ULK4: variants seen among roughly 807,000 people sequenced by gnomAD.
The protein encoded by ULK4 is inactive serine/threonine-protein kinase ULK4.
Under a neutral mutation model 160.6 loss-of-function variants are expected in ULK4, and 133 were observed. The ratio of observed to expected loss-of-function variants is 0.83; its 90% CI spans 0.72 to 0.96. The LOEUF (loss-of-function observed/expected upper bound fraction) is 0.96. ULK4 is among the 40% of genes least tolerant of loss of function. The probability of loss-of-function intolerance (pLI) is 0.00; values close to 1 mark genes in which losing one functional copy is unlikely to be tolerated. For missense variants in ULK4, 1,580 were observed against 1,499.5 expected, an observed-to-expected ratio of 1.05 and a Z score of -0.89; for synonymous variants, 534 against 539.8, an observed-to-expected ratio of 0.99 and a Z score of 0.15.
intron 2 of ULK4, among the ~76,000 whole-genome samples, chr3:41,941,361 T>A (rs1177407517): frequency 1.4e-5 from 2 of 147,912 alleles, no homozygotes; most frequent in East Asian, 4.1e-4. Context: ...AAAAACCTTT[T>A]TTTTTAAAGT....
At chr3:41,937,085 T>A (rs981347617) in intron 3 of ULK4, 1 of 434,668 alleles carries the variant, frequency 2.3e-6, no homozygotes, top group Admixed American at 3.8e-5. Flanking sequence ...ACAGCCAAAT[T>A]CAGTAAAAGT....
rs181984362 is a variant in ULK4, at chr3:41,592,541, G to A, written c.3120+23128C>T. 1.7e-4 allele frequency among the ~76,000 whole-genome samples: 26 copies of A among 152,044 alleles called. No individual in the cohort carries two copies. In the East Asian group the frequency reaches 1.9e-3, roughly 11 times the overall value. Reference sequence around the variant, plus strand: ...TTACTCATGTAACCAAACACCACCCGTTCCTCAATAACCTATGGAAATAAA... The same window carrying A: ...TTACTCATGTAACCAAACACCACCCATTCCTCAATAACCTATGGAAATAAA... On this transcript the variant is annotated intron_variant, in intron 31 of 36. Transcript: ENST00000301831.
chr3:41,331,227 G>A (rs2080436764), intron 35 of ULK4, among the ~76,000 whole-genome samples: 1 of 152,104 alleles, frequency 6.6e-6, no homozygotes, highest in African/African-American at 2.4e-5. Context: ...TGGGGGCAGG[G>A]AGCACTTCTG....
Position 41,465,658 on chromosome 3 carries a change from T to C in ULK4, c.3227-2405A>G, listed in dbSNP as rs77881285. On this transcript the variant is annotated intron_variant, in intron 32 of 36. Coordinates refer to ENST00000301831, the MANE Select transcript of ULK4 (RefSeq NM_017886.4). ...AGATTTTCTCATGGAACTGTTCCTA[T>C]ATCCCTACATGTCCTGTAAATTGGT... Among the ~76,000 whole-genome samples, 7,123 of 152,274 alleles carry C rather than the reference T, an allele frequency of 0.047. 747 individuals are homozygous for C. In the East Asian group the frequency reaches 0.49, roughly 10 times the overall value.
intron 27 of ULK4, among the ~76,000 whole-genome samples, chr3:41,698,233 A>G (rs2036562353): frequency 6.6e-6 from 1 of 152,230 alleles, no homozygotes; most frequent in Admixed American, 6.5e-5. Context: ...GACTGTATAT[A>G]CAAGCTGAGC....
At chr3:41,540,578 G>A (rs949427598) in intron 32 of ULK4, among the ~76,000 whole-genome samples, 3 of 152,142 alleles carry the variant, frequency 2.0e-5, no homozygotes, top group Non-Finnish European at 2.9e-5. Context: ...GGGTCAAATG[G>A]TATTTCTAGT....
At chr3:41,899,579 CCTT>C (rs1438339942) in intron 13 of ULK4, among the ~76,000 whole-genome samples, 5 of 152,176 alleles carry the variant, frequency 3.3e-5, no homozygotes, top group African/African-American at 9.7e-5. Context: ...AATTTGTAAA[CCTT>C]CTTAAAACAT....
At chr3:41,428,146 C>T (rs1559593887) in intron 34 of ULK4, among the ~76,000 whole-genome samples, 1 of 146,456 alleles carries the variant, frequency 6.8e-6, no homozygotes, top group South Asian at 2.1e-4. Context: ...ACAACCAAAT[C>T]ATAATGAACT....
intron 30 of ULK4, among the ~76,000 whole-genome samples, chr3:41,649,510 G>A (rs1330953375): frequency 6.6e-6 from 1 of 152,128 alleles, no homozygotes; most frequent in Non-Finnish European, 1.5e-5. Context: ...CTGCTCCCTG[G>A]CCTCCCCCTG....
At chr3:41,841,349 C>G (rs556700586) in intron 17 of ULK4, among the ~76,000 whole-genome samples, 36 of 150,214 alleles carry the variant, frequency 2.4e-4, no homozygotes, top group African/African-American at 8.8e-4. Flanking sequence ...GTCCGGCCAC[C>G]CCGCCTGGGA....
At chr3:41,679,202 G>A (rs187079838) in intron 29 of ULK4, among the ~76,000 whole-genome samples, 4 of 152,076 alleles carry the variant, frequency 2.6e-5, no homozygotes, top group African/African-American at 9.7e-5. Context: ...ATTAATATGA[G>A]ATTAAAATAA....
At position 41,886,423 on chromosome 3, in the gene ULK4, A is replaced by G. The variant is rs760180513; in HGVS notation, c.1578-2471T>C. On this transcript the variant is annotated intron_variant, in intron 16 of 36. Coordinates refer to ENST00000301831, the MANE Select transcript of ULK4 (RefSeq NM_017886.4). Reference sequence around the variant, plus strand: ...GCAAAATAACTGAACACACTAGTAGAAAAAAAGTGCATAAAAGTAAGGCTG... The same window carrying G: ...GCAAAATAACTGAACACACTAGTAGGAAAAAAGTGCATAAAAGTAAGGCTG... 4.6e-5 allele frequency among the ~76,000 whole-genome samples: 7 copies of G among 152,296 alleles called. No individual in the cohort carries two copies. In the South Asian group the frequency reaches 6.2e-4, roughly 14 times the overall value.
intron 33 of ULK4, among the ~76,000 whole-genome samples, chr3:41,456,673 A>T (rs1232882522): frequency 6.6e-6 from 1 of 152,146 alleles, no homozygotes; most frequent in Non-Finnish European, 1.5e-5. Flanking sequence ...TATTTTTTCC[A>T]TTTGCTATAA....
rs370401573 is a variant in ULK4 at position 41,510,577 on chromosome 3, T to C, written c.3227-47324A>G. On this transcript the variant is annotated intron_variant, in intron 32 of 36. Coordinates refer to ENST00000301831, the MANE Select transcript of ULK4 (RefSeq NM_017886.4). ...ACATTCTCCAAGATGGGCCATATGA[T>C]AAAGCACAAAATAAGTCTCAGTAAA... is the stretch of plus-strand genomic sequence containing the variant. Among the ~76,000 whole-genome samples the C allele has an allele frequency of 2.8e-4, 42 of 152,310 alleles. No homozygotes were observed. The South Asian group carries it at 8.3e-3, about 30-fold the overall frequency.
chr3:41,833,924 A>G (rs1323878712), intron 18 of ULK4, among the ~76,000 whole-genome samples: 1 of 152,118 alleles, frequency 6.6e-6, no homozygotes, highest in Non-Finnish European at 1.5e-5. Flanking sequence ...CTAACAGTGT[A>G]TAACTATTGA....
At chr3:41,681,193 T>C (rs1038593830) in intron 29 of ULK4, among the ~76,000 whole-genome samples, 1 of 152,106 alleles carries the variant, frequency 6.6e-6, no homozygotes, top group African/African-American at 2.4e-5. Flanking sequence ...AGTCGTGTAA[T>C]ATAGACCTTG....
rs148821472 is a variant in ULK4 at position 41,346,371 on chromosome 3, T to C, written c.3678+51708A>G. Among the ~76,000 whole-genome samples, 417 of 152,304 alleles carry C rather than the reference T, an allele frequency of 2.7e-3. 10 individuals are homozygous for C. The highest frequency in any genetic ancestry group is 9.7e-3 in the African/African-American group (402 of 41,566). On this transcript the variant is annotated intron_variant, in intron 35 of 36. Transcript: ENST00000301831. ...TGGAAGTTCCTATTGTCTCCTCATA[T>C]TTGTCTCACAAGGAACCCTAGGTTT...
At chr3:41,503,755 C>T (rs1385623398) in intron 32 of ULK4, among the ~76,000 whole-genome samples, 1 of 152,160 alleles carries the variant, frequency 6.6e-6, no homozygotes, top group Non-Finnish European at 1.5e-5. Context: ...TGATGATTAA[C>T]ACCTGAAATT....
intron 30 of ULK4, among the ~76,000 whole-genome samples, chr3:41,658,142 G>A (rs2035011210): frequency 2.0e-5 from 3 of 152,298 alleles, no homozygotes; most frequent in Non-Finnish European, 2.9e-5. Flanking sequence ...TTTGATAAAG[G>A]TTTTGAATTA....
Sources: gnomAD v4.1 joint callset for allele counts (sites outside exome capture counted in the v4.1 genomes callset) on GRCh38, gnomAD v4.1.1 for gene constraint, MANE v1.5 for transcripts, NCBI Gene and HGNC (gene_info 2026-07-23, HGNC 2026-07-21) for gene names.